Variants in ADGRL3 observed in about 807,000 individuals in gnomAD.
ADGRL3 encodes the protein adhesion G protein-coupled receptor L3, also known as calcium-independent alpha-latrotoxin receptor 3.
ADGRL3 carries 62 observed loss-of-function variants against 153.5 expected under a neutral mutation model. The observed-to-expected ratio is 0.40, with a 90% CI of 0.33 to 0.50. The LOEUF (loss-of-function observed/expected upper bound fraction) is 0.50, where lower values mean the gene tolerates loss of function less well. Among genes scored for constraint, ADGRL3 ranks in the 20% least tolerant of loss-of-function variants. The probability of loss-of-function intolerance (pLI) is 0.47; values close to 1 mark genes in which losing one functional copy is unlikely to be tolerated. For missense variants in ADGRL3, 1,641 were observed against 1,859.4 expected (o/e 0.88, Z 2.16); for synonymous variants, 710 against 672.5 (o/e 1.06, Z -0.86).
chr4:61,485,477 T>A (rs550666746), intron 2 of ADGRL3, among the ~76,000 whole-genome samples: 45 of 152,300 alleles, frequency 3.0e-4, no homozygotes, highest in African/African-American at 9.1e-4. Context: ...TGAAATTTTT[T>A]AAAAATGTGA....
At chr4:61,922,748 G>GT (rs1343902021) in intron 13 of ADGRL3, among the ~76,000 whole-genome samples, 3 of 152,180 alleles carry the variant, frequency 2.0e-5, no homozygotes, top group Non-Finnish European at 4.4e-5. Flanking sequence ...TTCAGACACT[G>GT]TTTCAGGTGC....
chr4:61,221,482 C>A (rs1745518454), intron 1 of ADGRL3, among the ~76,000 whole-genome samples: 1 of 152,086 alleles, frequency 6.6e-6, no homozygotes, highest in Admixed American at 6.6e-5. Flanking sequence ...TCAAAAGAGA[C>A]ATACAATTTT....
intron 9 of ADGRL3, among the ~76,000 whole-genome samples, chr4:61,858,079 A>T (rs1029826213): frequency 9.9e-5 from 15 of 152,246 alleles, no homozygotes; most frequent in African/African-American, 3.6e-4. Context: ...GTGGGAAAAG[A>T]TAATGTATTA....
chr4:61,778,124 A>G (rs2097174069), intron 8 of ADGRL3, among the ~76,000 whole-genome samples: 1 of 152,240 alleles, frequency 6.6e-6, no homozygotes, highest in Admixed American at 6.5e-5. Context: ...TTCATGCACA[A>G]AATTGTTAAG....
chr4:61,697,117 C>T (rs1019669056), intron 6 of ADGRL3, among the ~76,000 whole-genome samples: 3 of 151,896 alleles, frequency 2.0e-5, no homozygotes, highest in Admixed American at 6.6e-5. Context: ...ACAAAGGTAA[C>T]CTCAATATCC....
chr4:61,303,508 A>G (rs1001814149), intron 1 of ADGRL3, among the ~76,000 whole-genome samples: 31 of 152,130 alleles, frequency 2.0e-4, no homozygotes, highest in Non-Finnish European at 1.0e-4. Flanking sequence ...GCCTTTAAAA[A>G]TGTTTTTACC....
At chr4:61,408,865 T>A (rs2097041949) in intron 2 of ADGRL3, among the ~76,000 whole-genome samples, 1 of 151,964 alleles carries the variant, frequency 6.6e-6, no homozygotes, top group African/African-American at 2.4e-5. Context: ...CAAACTTATT[T>A]CTAAGAGTGT....
chr4:61,354,353 A>G lies in ADGRL3; in HGVS notation c.-239-28771A>G, dbSNP rs368678750. ...TTTCAAATACATGAGAGTTCTCCAT[A>G]TGCAACAGTACATTACACAATGGAC... On this transcript the variant is annotated intron_variant, in intron 1 of 26. Transcript: ENST00000683033. Among the ~76,000 whole-genome samples the G allele has an allele frequency of 6.7e-4, 102 of 152,312 alleles. 1 individual carries two copies. The South Asian group carries it at 8.7e-3, about 13-fold the overall frequency.
intron 5 of ADGRL3, among the ~76,000 whole-genome samples, chr4:61,617,881 T>C (rs2092175623): frequency 6.6e-6 from 1 of 152,242 alleles, no homozygotes. Context: ...GGATTTTCTC[T>C]GACTGCTCTG....
intron 21 of ADGRL3, among the ~76,000 whole-genome samples, chr4:62,013,759 A>C (rs1186558997): frequency 8.6e-5 from 13 of 151,670 alleles, no homozygotes; most frequent in African/African-American, 2.9e-4. Context: ...ATGGTGGCGC[A>C]TGCCTGTAGT....
At chr4:61,504,904 G>T (rs988037828) in intron 3 of ADGRL3, among the ~76,000 whole-genome samples, 2 of 152,106 alleles carry the variant, frequency 1.3e-5, no homozygotes, top group Non-Finnish European at 2.9e-5. Flanking sequence ...ATTCTGAATA[G>T]CGTTGCAATA....
chr4:61,296,728 C>T (rs2094425559), intron 1 of ADGRL3, among the ~76,000 whole-genome samples: 1 of 152,096 alleles, frequency 6.6e-6, no homozygotes, highest in South Asian at 2.1e-4. Context: ...AATATAGTAT[C>T]ATTATAAGAT....
chr4:61,369,378 G>C (rs1371789274), intron 1 of ADGRL3, among the ~76,000 whole-genome samples: 1 of 152,100 alleles, frequency 6.6e-6, no homozygotes, highest in Non-Finnish European at 1.5e-5. Flanking sequence ...GTCATAGATA[G>C]CTCTTATTAT....
intron 13 of ADGRL3, among the ~76,000 whole-genome samples, chr4:61,931,527 G>A (rs2098817410): frequency 6.6e-6 from 1 of 152,118 alleles, no homozygotes; most frequent in Admixed American, 6.6e-5. Context: ...CACACAGTAA[G>A]AGGCACTGTG....
Position 61,450,381 on chromosome 4 carries a change from C to A in ADGRL3, c.-173-46740C>A, listed in dbSNP as rs74960689. Among the ~76,000 whole-genome samples the A allele has an allele frequency of 2.3e-4, 35 of 152,140 alleles. No individual in the cohort carries two copies. In the East Asian group the frequency reaches 6.4e-3, roughly 28 times the overall value. Reference sequence around the variant, plus strand: ...ATGATTTTCTTTTAAATGTTGAATTCTTGGGTCACTTGTCATACATTTACC... The same window carrying A: ...ATGATTTTCTTTTAAATGTTGAATTATTGGGTCACTTGTCATACATTTACC... On this transcript the variant is annotated intron_variant, in intron 2 of 26. Transcript: ENST00000683033.
At chr4:61,291,609 C>CAT (rs1198831680) in intron 1 of ADGRL3, among the ~76,000 whole-genome samples, 194 of 9,012 alleles carry the variant, frequency 0.022, 4 homozygotes, top group African/African-American at 0.052. Flanking sequence ...TATATACACA[C>CAT]ACATATATAT....
At chr4:61,566,447 G>T (rs1414913798) in intron 4 of ADGRL3, among the ~76,000 whole-genome samples, 3 of 151,992 alleles carry the variant, frequency 2.0e-5, no homozygotes, top group African/African-American at 7.3e-5. Flanking sequence ...GGAGGGAGTG[G>T]GTACAATTCA....
intron 2 of ADGRL3, among the ~76,000 whole-genome samples, chr4:61,480,160 T>G (rs1472904146): frequency 6.6e-6 from 1 of 152,188 alleles, no homozygotes; most frequent in South Asian, 2.1e-4. Context: ...TTATACCCTT[T>G]GATCATCATC....
chr4:62,030,532 A>G (rs2151495047), intron 22 of ADGRL3, among the ~76,000 whole-genome samples: 1 of 151,670 alleles, frequency 6.6e-6, no homozygotes, highest in East Asian at 1.9e-4. Context: ...ACATAACTTA[A>G]CCACAAATAT....
Sources: allele counts gnomAD v4.1 joint callset (sites outside exome capture counted in the v4.1 genomes callset), GRCh38; gene constraint gnomAD v4.1.1; transcripts MANE v1.5; gene names NCBI Gene and HGNC (gene_info 2026-07-23, HGNC 2026-07-21).